Variants in CNTNAP2 observed in about 807,000 individuals in gnomAD.
CNTNAP2 encodes contactin-associated protein-like 2.
CNTNAP2 carries 98 observed loss-of-function variants against 155.2 expected under a neutral mutation model. The observed-to-expected ratio is 0.63, with a 90% CI of 0.54 to 0.75. CNTNAP2 has a LOEUF of 0.75. CNTNAP2 is among the 30% of genes least tolerant of loss of function. CNTNAP2 has a pLI of 0.00. For synonymous variants in CNTNAP2, 651 were observed against 631.2 expected, an observed-to-expected ratio of 1.03 and a Z score of -0.47; for missense variants, 1,727 against 1,688.1, an observed-to-expected ratio of 1.02 and a Z score of -0.40.
intron 18 of CNTNAP2, among the ~76,000 whole-genome samples, chr7:148,198,350 G>T: frequency 6.6e-6 from 1 of 152,324 alleles, no homozygotes; most frequent in East Asian, 1.9e-4. Context: ...AAGGTTGATG[G>T]CGATTGTGAC....
intron 1 of CNTNAP2, among the ~76,000 whole-genome samples, chr7:146,201,333 A>G (rs1206831990): frequency 2.7e-5 from 4 of 149,188 alleles, no homozygotes; most frequent in Admixed American, 6.6e-5. Flanking sequence ...TTGAGTAATT[A>G]TATGAAACAG....
Position 146,483,285 on chromosome 7 carries a change from ATATATATATATATATAT to A in CNTNAP2, c.98-290985_98-290969del, listed in dbSNP as rs1796997949. On this transcript the variant is annotated intron_variant, in intron 1 of 23. Transcript: ENST00000361727. Reference sequence around the variant, plus strand: ...AGCAAGACTCCGTCTAAAAAAAAATATATATATATATATATATATATATATATATATATATATATATA... The same window carrying A: ...AGCAAGACTCCGTCTAAAAAAAAATAATATATATATATATATATATATATA... 1.7e-3 allele frequency among the ~76,000 whole-genome samples: 78 copies of A among 47,220 alleles called. 4 individuals carry two copies. Among genetic ancestry groups the A allele is most frequent in the East Asian group, 8.0e-3 (15 of 1,880 alleles). 31.0% of individuals were successfully genotyped at this position (47,220 alleles called of 152,430 possible).
chr7:146,366,214 G>T (rs993731798), intron 1 of CNTNAP2, among the ~76,000 whole-genome samples: 2 of 151,826 alleles, frequency 1.3e-5, no homozygotes, highest in Non-Finnish European at 2.9e-5. Context: ...TCAAAATTCT[G>T]TGACATAGTG....
intron 1 of CNTNAP2, among the ~76,000 whole-genome samples, chr7:146,682,136 A>G (rs1800515527): frequency 6.6e-6 from 1 of 152,150 alleles, no homozygotes; most frequent in South Asian, 2.1e-4. Context: ...TTTCACATCT[A>G]TCATTCATCT....
At chr7:148,081,525 C>T (rs1214048352) in intron 15 of CNTNAP2, among the ~76,000 whole-genome samples, 1 of 152,096 alleles carries the variant, frequency 6.6e-6, no homozygotes, top group Non-Finnish European at 1.5e-5. Context: ...CTTGATGCTT[C>T]CTGCCCTCAA....
At chr7:148,331,227 AGTGG>A (rs1351825166) in intron 21 of CNTNAP2, among the ~76,000 whole-genome samples, 5 of 124,954 alleles carry the variant, frequency 4.0e-5, no homozygotes, top group African/African-American at 1.6e-4. Context: ...GGATGGATGG[AGTGG>A]ATGGATGGAA....
intron 1 of CNTNAP2, among the ~76,000 whole-genome samples, chr7:146,622,164 CACACACGTATATATAT>C (rs1799330965): frequency 6.9e-6 from 1 of 144,178 alleles, no homozygotes; most frequent in Admixed American, 7.1e-5. Flanking sequence ...TATATATATA[CACACACGTATATATAT>C]ACACATATAT....
At chr7:148,150,177 C>T (rs886813801) in intron 17 of CNTNAP2, among the ~76,000 whole-genome samples, 5 of 150,060 alleles carry the variant, frequency 3.3e-5, no homozygotes, top group Non-Finnish European at 4.4e-5. Flanking sequence ...ATTTGGGAGG[C>T]CGAGGCAGGC....
At chr7:146,687,221 T>G (rs1800616257) in intron 1 of CNTNAP2, among the ~76,000 whole-genome samples, 1 of 152,142 alleles carries the variant, frequency 6.6e-6, no homozygotes, top group Non-Finnish European at 1.5e-5. Context: ...AAATACTGAC[T>G]GTTGGTTAAA....
intron 3 of CNTNAP2, among the ~76,000 whole-genome samples, chr7:146,938,300 A>G (rs1312386848): frequency 6.6e-6 from 1 of 151,942 alleles, no homozygotes; most frequent in Non-Finnish European, 1.5e-5. Context: ...CAATCCACAG[A>G]TAAGTATAGA....
intron 3 of CNTNAP2, among the ~76,000 whole-genome samples, chr7:147,010,560 A>C (rs4348404): frequency 0.56 from 84,604 of 151,838 alleles, 24,655 homozygotes; most frequent in African/African-American, 0.71. Flanking sequence ...TAGAGGGGAT[A>C]CCATTGGCCA....
At chr7:147,387,742 G>A (rs915350341) in intron 9 of CNTNAP2, among the ~76,000 whole-genome samples, 9 of 152,120 alleles carry the variant, frequency 5.9e-5, no homozygotes, top group Admixed American at 2.0e-4. Flanking sequence ...TAAAATATAC[G>A]ATTATTATTG....
intron 18 of CNTNAP2, among the ~76,000 whole-genome samples, chr7:148,203,190 T>G (rs1425422039): frequency 4.0e-5 from 6 of 151,762 alleles, no homozygotes; most frequent in Admixed American, 2.6e-4. Context: ...GGAGGAGAGG[T>G]GGGGGAATAA....
intron 14 of CNTNAP2, among the ~76,000 whole-genome samples, chr7:147,937,355 C>A (rs992148836): frequency 6.6e-5 from 10 of 152,176 alleles, no homozygotes; most frequent in African/African-American, 2.4e-4. Flanking sequence ...CATCATAACA[C>A]ATTCCAAAAT....
intron 10 of CNTNAP2, among the ~76,000 whole-genome samples, chr7:147,416,837 C>T (rs1057103783): frequency 6.6e-6 from 1 of 152,080 alleles, no homozygotes; most frequent in African/African-American, 2.4e-5. Flanking sequence ...CTCAGTAATC[C>T]TAGCACTTTG....
intron 3 of CNTNAP2, among the ~76,000 whole-genome samples, chr7:146,955,754 A>G (rs1314007036): frequency 1.3e-5 from 2 of 152,092 alleles, no homozygotes; most frequent in East Asian, 1.9e-4. Flanking sequence ...ATTGTACTGC[A>G]TAGAATATGT....
chr7:146,893,349 AATAG>A (rs1419995596), intron 3 of CNTNAP2, among the ~76,000 whole-genome samples: 1 of 151,920 alleles, frequency 6.6e-6, no homozygotes, highest in African/African-American at 2.4e-5. Context: ...TATATAGGTA[AATAG>A]ATATTTTAAG....
chr7:146,744,980 C>T (rs916907969), intron 1 of CNTNAP2, among the ~76,000 whole-genome samples: 9 of 152,142 alleles, frequency 5.9e-5, no homozygotes, highest in Non-Finnish European at 1.2e-4. Flanking sequence ...GGTGAATATT[C>T]AACTCCCTAA....
intron 1 of CNTNAP2, among the ~76,000 whole-genome samples, chr7:146,610,433 A>G (rs1457578530): frequency 6.6e-6 from 1 of 152,124 alleles, no homozygotes; most frequent in African/African-American, 2.4e-5. Context: ...TGTGTGTGCA[A>G]ATTTGGAGTG....
Sources: allele counts gnomAD v4.1 joint callset (sites outside exome capture counted in the v4.1 genomes callset), GRCh38; gene constraint gnomAD v4.1.1; transcripts MANE v1.5; gene names NCBI Gene and HGNC (gene_info 2026-07-23, HGNC 2026-07-21).